TBCE: variants seen among roughly 807,000 people sequenced by gnomAD.
The protein encoded by TBCE is tubulin-specific chaperone E.
TBCE carries 53 observed loss-of-function variants against 77.0 expected under a neutral mutation model. The ratio of observed to expected loss-of-function variants is 0.69; its 90% CI spans 0.55 to 0.87. The LOEUF is 0.87. Among genes scored for constraint, TBCE ranks in the 40% least tolerant of loss-of-function variants. TBCE has a pLI of 0.00. For missense variants in TBCE, 624 were observed against 622.4 expected, an observed-to-expected ratio of 1.00 and a Z score of -0.03; for synonymous variants, 235 against 241.3, an observed-to-expected ratio of 0.97 and a Z score of 0.24.
At chr1:235,388,890 G>A (rs1027449723) in intron 2 of TBCE, among the ~76,000 whole-genome samples, 9 of 152,246 alleles carry the variant, frequency 5.9e-5, no homozygotes, top group Non-Finnish European at 1.2e-4. Context: ...TGGGTGCTCT[G>A]AAGATAGAGT....
Position 235,430,448 on chromosome 1 carries a change from C to T in TBCE, c.561-257C>T, listed in dbSNP as rs541077775. The T allele has an allele frequency of 8.4e-4, 308 of 366,660 alleles. 1 individual carries two copies. The highest frequency in any genetic ancestry group is 1.4e-3 in the Non-Finnish European group (266 of 194,242). The allele number at this position is 366,660 out of a possible 1,614,324, so 22.7% of individuals were successfully genotyped here. The stretch of plus-strand genomic sequence containing the variant: ...GTTTTGGGTTTAGGAAGCCTACAGC[C>T]GCATACAGGTGCCCTAATCCTGTGA... On this transcript the variant is annotated intron_variant, in intron 6 of 16. Transcript: ENST00000642610.
At chr1:235,377,541 A>G (rs1302558637) in intron 1 of TBCE, among the ~76,000 whole-genome samples, 1 of 152,148 alleles carries the variant, frequency 6.6e-6, no homozygotes, top group Non-Finnish European at 1.5e-5. Flanking sequence ...GCAGAAACTT[A>G]ATAAACTTAA....
rs1198734905 is a variant in TBCE at position 235,448,355 on chromosome 1, T to C, written c.1406T>C (p.Met469Thr). 22 of 1,614,016 alleles carry C rather than the reference T, an allele frequency of 1.4e-5. No homozygotes were observed. The highest frequency in any genetic ancestry group is 1.8e-5 in the Non-Finnish European group (21 of 1,179,876). The change falls in exon 16 of 17, where the codon ATG becomes ACG. Residue 469 changes from methionine to threonine, a missense_variant. Physicochemically the swap from Met to Thr is moderately conservative, Grantham distance 81. Coordinates refer to ENST00000642610, the MANE Select transcript of TBCE (RefSeq NM_003193.5). Reference sequence around the variant, plus strand: ...TTTTCTTGTCTTTTGATAGGCTCCATGACAATTCAAAAGGTGAAGGGATTG... The same window carrying C: ...TTTTCTTGTCTTTTGATAGGCTCCACGACAATTCAAAAGGTGAAGGGATTG... Reference protein sequence around the residue: ...KVLEKQLPGSMTIQKVKGLLS... With the variant: ...KVLEKQLPGSTTIQKVKGLLS...
chr1:235,384,870 T>C (rs1176951087), intron 2 of TBCE, among the ~76,000 whole-genome samples: 2 of 150,678 alleles, frequency 1.3e-5, no homozygotes, highest in Admixed American at 1.3e-4. Flanking sequence ...TTTGAATGTG[T>C]TTGCTCTTGC....
At chr1:235,424,132 G>A (rs996388264) in intron 5 of TBCE, among the ~76,000 whole-genome samples, 4 of 152,120 alleles carry the variant, frequency 2.6e-5, no homozygotes, top group Admixed American at 6.5e-5. Flanking sequence ...GATGACTTGG[G>A]TGTAACTTCC....
intron 4 of TBCE, chr1:235,418,977 T>G (rs1572398544): frequency 5.3e-6 from 1 of 188,412 alleles, no homozygotes; most frequent in Non-Finnish European, 1.1e-5. Context: ...GAGGCGGAGG[T>G]GGGTGGATCA....
Position 235,381,709 on chromosome 1 carries a change from A to G in TBCE, c.100+1560A>G, listed in dbSNP as rs572793323. Among the ~76,000 whole-genome samples, 66 of 150,490 alleles carry G rather than the reference A, an allele frequency of 4.4e-4. No homozygotes were observed. In the South Asian group the frequency reaches 0.014, roughly 31 times the overall value. ...CCAAAAAAAAAAAAAAAAAAAAAAA[A>G]AAAGACTGATTTGCTTTATTGTAAT... On this transcript the variant is annotated intron_variant, in intron 2 of 16. Coordinates refer to ENST00000642610, the MANE Select transcript of TBCE (RefSeq NM_003193.5).
chr1:235,401,353 C>T, intron 2 of TBCE, 150 bp from the exon 3 acceptor site: 1 of 686,526 alleles, frequency 1.5e-6, no homozygotes, highest in South Asian at 1.5e-5. Flanking sequence ...GATTGAAGTC[C>T]TGAGTATAAG....
intron 15 of TBCE, among the ~76,000 whole-genome samples, chr1:235,447,385 A>G (rs1295100212): frequency 6.6e-6 from 1 of 152,186 alleles, no homozygotes; most frequent in African/African-American, 2.4e-5. Flanking sequence ...TATTTCTTAT[A>G]ATCAAAATAT....
At chr1:235,383,999 C>T (rs1207999953) in intron 2 of TBCE, among the ~76,000 whole-genome samples, 2 of 151,926 alleles carry the variant, frequency 1.3e-5, no homozygotes, top group African/African-American at 4.8e-5. Flanking sequence ...CCATCAATAC[C>T]TAATTTATTG....
intron 1 of TBCE, among the ~76,000 whole-genome samples, chr1:235,368,888 G>A (rs1676728605): frequency 6.6e-6 from 1 of 151,960 alleles, no homozygotes. Context: ...TGACTAGCAG[G>A]TTTATTGGAT....
intron 4 of TBCE, among the ~76,000 whole-genome samples, chr1:235,416,664 A>G (rs533613283): frequency 6.6e-6 from 1 of 152,372 alleles, no homozygotes; most frequent in African/African-American, 2.4e-5. Context: ...TAGTTTATGA[A>G]CAGCTATGTA....
chr1:235,375,495 G>T (rs1305058151), intron 1 of TBCE, among the ~76,000 whole-genome samples: 4 of 152,054 alleles, frequency 2.6e-5, no homozygotes, highest in Non-Finnish European at 5.9e-5. Context: ...GGGGCTGGGG[G>T]TGGGGGAGTG....
At chr1:235,429,479 T>C (rs1248699894) in intron 6 of TBCE, 1 of 152,194 alleles carries the variant, frequency 6.6e-6, no homozygotes, top group African/African-American at 2.4e-5. Context: ...AGGTGATATT[T>C]AATTGGGGAG....
intron 15 of TBCE, among the ~76,000 whole-genome samples, chr1:235,443,901 CAAAAG>C (rs762408440): frequency 6.6e-6 from 1 of 152,180 alleles, no homozygotes; most frequent in South Asian, 2.1e-4. Context: ...AACTTTCACT[CAAAAG>C]AAAAATGAAA....
At chr1:235,422,177 A>G (rs917770024) in intron 5 of TBCE, among the ~76,000 whole-genome samples, 1 of 152,236 alleles carries the variant, frequency 6.6e-6, no homozygotes. Context: ...GTGTCAGAGC[A>G]TTCTGCATTC....
At chr1:235,418,442 T>C (rs1380947233) in intron 4 of TBCE, 1 of 152,250 alleles carries the variant, frequency 6.6e-6, no homozygotes, top group Non-Finnish European at 1.5e-5. Context: ...AGACATTATG[T>C]ATGCGGATTC....
chr1:235,444,151 A>C (rs890794279), intron 15 of TBCE, among the ~76,000 whole-genome samples: 2 of 152,222 alleles, frequency 1.3e-5, no homozygotes, highest in African/African-American at 4.8e-5. Context: ...GGTATTGCTT[A>C]TAGAAGGCCT....
Position 235,449,941 on chromosome 1 carries a change from T to TTTTC in TBCE, c.*1183_*1186dup. The TTTTC allele has an allele frequency of 3.2e-6, 1 of 309,220 alleles. No homozygotes were observed. The highest frequency in any genetic ancestry group is 6.3e-5 in the South Asian group (1 of 15,804). 19.2% of individuals were successfully genotyped at this position (309,220 alleles called of 1,614,324 possible). On this transcript the variant is annotated 3_prime_UTR_variant, in exon 17 of 17. Coordinates refer to ENST00000642610, the MANE Select transcript of TBCE (RefSeq NM_003193.5). ...CAATGCATCAGGATTTAGAAATATT[T>TTTTC]TTTCTTTTATAAAATAACTTGGTAT...
Sources: allele counts gnomAD v4.1 joint callset (sites outside exome capture counted in the v4.1 genomes callset), GRCh38; gene constraint gnomAD v4.1.1; transcripts MANE v1.5; gene names NCBI Gene and HGNC (gene_info 2026-07-23, HGNC 2026-07-21).